The following ZNF253 variants were observed in gnomAD, a reference collection of about 807,000 sequenced individuals.
ZNF253 encodes the protein DNA-binding protein.
A neutral mutation model predicts 11.9 loss-of-function variants in ZNF253; 8 were observed. The observed-to-expected ratio is 0.67, with a 90% confidence interval of 0.40 to 1.22. The LOEUF (loss-of-function observed/expected upper bound fraction) is 1.22, where lower values mean the gene tolerates loss of function less well. Among genes scored for constraint, ZNF253 ranks in the 50% most tolerant of loss-of-function variants. The probability of loss-of-function intolerance (pLI) is 0.01; values close to 1 mark genes in which losing one functional copy is unlikely to be tolerated. For missense variants in ZNF253, 485 were observed against 586.9 expected, an observed-to-expected ratio of 0.83 and a Z score of 1.79; for synonymous variants, 194 against 194.9, an observed-to-expected ratio of 1.00 and a Z score of 0.04.
At chr19:19,882,315 A>C (rs1032826860) in intron 3 of ZNF253, among the ~76,000 whole-genome samples, 2 of 152,170 alleles carry the variant, frequency 1.3e-5, no homozygotes, top group African/African-American at 2.4e-5. Flanking sequence ...TAGAAGGTAA[A>C]GATCTTCTTT....
At chr19:19,886,129 A>T (rs2063205572) in intron 3 of ZNF253, among the ~76,000 whole-genome samples, 2 of 152,104 alleles carry the variant, frequency 1.3e-5, no homozygotes, top group African/African-American at 4.8e-5. Flanking sequence ...AGTAGCTAGG[A>T]TTACAGACAT....
At chr19:19,883,968 A>G (rs1204337579) in intron 3 of ZNF253, among the ~76,000 whole-genome samples, 1 of 151,940 alleles carries the variant, frequency 6.6e-6, no homozygotes, top group Non-Finnish European at 1.5e-5. Flanking sequence ...GAGATAGGAA[A>G]ATCGCTTGAA....
rs769923321 is a variant in ZNF253 at position 19,892,126 on chromosome 19, T to A, written c.879T>A (p.Phe293Leu). The A allele has an allele frequency of 1.6e-4, 257 of 1,613,898 alleles. No individual in the cohort carries two copies. The highest frequency in any genetic ancestry group is 2.1e-4 in the Non-Finnish European group (252 of 1,179,992). The change falls in exon 4 of 4, where the codon TTT (phenylalanine) becomes TTA (leucine). Residue 293 changes from phenylalanine to leucine, a missense_variant. By Grantham distance (22) the Phe-to-Leu change is conservative. Transcript: ENST00000589717. Reference protein sequence around the residue: ...PYKCEECGKAFKHPSHVTTHK... With the variant: ...PYKCEECGKALKHPSHVTTHK... ...AATGTGAAGAATGTGGCAAAGCCTTTAAGCACCCCTCACACGTTACCACAC... is the reference window on the plus strand; with the variant it reads ...AATGTGAAGAATGTGGCAAAGCCTTAAAGCACCCCTCACACGTTACCACAC...
intron 1 of ZNF253, among the ~76,000 whole-genome samples, chr19:19,872,215 T>G (rs557430133): frequency 6.6e-6 from 1 of 152,218 alleles, no homozygotes; most frequent in Admixed American, 6.5e-5. Context: ...ATTGAATAGA[T>G]GTGTAGACAA....
At chr19:19,875,641 C>T (rs565026677) in intron 1 of ZNF253, among the ~76,000 whole-genome samples, 49 of 152,148 alleles carry the variant, frequency 3.2e-4, no homozygotes, top group Admixed American at 6.5e-4. Context: ...GTGATCCGCC[C>T]GCCTCGGCCT....
At chr19:19,888,577 T>G (rs2063215969) in intron 3 of ZNF253, among the ~76,000 whole-genome samples, 1 of 152,186 alleles carries the variant, frequency 6.6e-6, no homozygotes, top group South Asian at 2.1e-4. Context: ...AGTAAAAAAT[T>G]AACTTCAGTT....
At chr19:19,872,585 A>AT (rs59790297) in intron 1 of ZNF253, among the ~76,000 whole-genome samples, 9,685 of 89,982 alleles carry the variant, frequency 0.11, 705 homozygotes, top group East Asian at 0.35. Flanking sequence ...ATATATTATT[A>AT]TATATATATA....
intron 3 of ZNF253, among the ~76,000 whole-genome samples, chr19:19,880,659 C>G (rs993458041): frequency 6.6e-6 from 1 of 150,874 alleles, no homozygotes; most frequent in Non-Finnish European, 1.5e-5. Context: ...GAGCCGAGAT[C>G]ATGCCATCGC....
rs191406547 is a variant in ZNF253 at position 19,880,906 on chromosome 19, T to G, written c.226+760T>G. ...TTATTTTTCTGCACAGTCCATTCTG[T>G]TTTTATTTCTATAAAGTCTTCAAAT... is the stretch of plus-strand genomic sequence containing the variant. On this transcript the variant is annotated intron_variant, in intron 3 of 3. Transcript: ENST00000589717. Among the ~76,000 whole-genome samples, 22 of 152,148 alleles carry G rather than the reference T, an allele frequency of 1.4e-4. No individual in the cohort carries two copies. The East Asian group carries it at 4.1e-3, about 28-fold the overall frequency.
intron 3 of ZNF253, among the ~76,000 whole-genome samples, chr19:19,885,088 AT>A (rs2063193053): frequency 6.6e-6 from 1 of 151,850 alleles, no homozygotes; most frequent in Non-Finnish European, 1.5e-5. Flanking sequence ...CACTCCTGAA[AT>A]TTTTTTCTTT....
intron 1 of ZNF253, among the ~76,000 whole-genome samples, chr19:19,874,698 T>C (rs1317092013): frequency 4.0e-5 from 6 of 151,844 alleles, no homozygotes; most frequent in Non-Finnish European, 8.8e-5. Flanking sequence ...GATCACGAGG[T>C]CAGGAGATCG....
Position 19,892,981 on chromosome 19 carries a change from AT to A in ZNF253, c.*236del. ...CCTATAAACCTATAACAAGTTCTCA[AT>A]TCCTTTTTTTTTGAGATGGAGTTTC... On this transcript the variant is annotated 3_prime_UTR_variant, in exon 4 of 4. Transcript: ENST00000589717. The A allele has an allele frequency of 2.3e-6, 1 of 434,544 alleles. No homozygotes were observed. The highest frequency in any genetic ancestry group is 3.8e-6 in the Non-Finnish European group (1 of 260,932). 26.9% of individuals were successfully genotyped at this position (434,544 alleles called of 1,614,324 possible).
At chr19:19,879,656 A>G (rs2063169252) in intron 2 of ZNF253, among the ~76,000 whole-genome samples, 1 of 152,208 alleles carries the variant, frequency 6.6e-6, no homozygotes, top group South Asian at 2.1e-4. Flanking sequence ...AACGCCCAAT[A>G]AAAAAGAATC....
At chr19:19,875,337 C>T (rs953811124) in intron 1 of ZNF253, among the ~76,000 whole-genome samples, 2 of 151,982 alleles carry the variant, frequency 1.3e-5, no homozygotes, top group African/African-American at 2.4e-5. Flanking sequence ...CCTCAAGTCA[C>T]AAAAAAAGAA....
intron 1 of ZNF253, among the ~76,000 whole-genome samples, chr19:19,866,309 T>C (rs1205608171): frequency 6.6e-6 from 1 of 152,118 alleles, no homozygotes; most frequent in Non-Finnish European, 1.5e-5. Context: ...CTCGGTTCCC[T>C]GCGGGTTCAT....
In ZNF253 at chr19:19,893,044, C is replaced by T. The variant is rs2063240623; in HGVS notation, c.*297C>T. ...CGAGGCTGGAGTGCAATGACATGATCTCCGTTCACTGCAATCTCTGCCTCC... is the reference window on the plus strand; with the variant it reads ...CGAGGCTGGAGTGCAATGACATGATTTCCGTTCACTGCAATCTCTGCCTCC... On this transcript the variant is annotated 3_prime_UTR_variant, in exon 4 of 4. Transcript: ENST00000589717. The T allele has an allele frequency of 3.4e-6, 1 of 296,260 alleles. No homozygotes were observed. Among genetic ancestry groups the T allele is most frequent in the African/African-American group, 2.2e-5 (1 of 45,274 alleles). The allele number at this position is 296,260 out of a possible 1,614,324, so 18.4% of individuals were successfully genotyped here.
At chr19:19,890,768 C>T (rs1381033775) in intron 3 of ZNF253, among the ~76,000 whole-genome samples, 1 of 151,742 alleles carries the variant, frequency 6.6e-6, no homozygotes, top group African/African-American at 2.4e-5. Flanking sequence ...GGTGATCCAC[C>T]TGCCTTGCCT....
chr19:19,882,103 C>A (rs1181620775), intron 3 of ZNF253, among the ~76,000 whole-genome samples: 7 of 151,610 alleles, frequency 4.6e-5, no homozygotes, highest in African/African-American at 1.5e-4. Context: ...ACAGGAGAAT[C>A]GCTTGAATCA....
intron 1 of ZNF253, among the ~76,000 whole-genome samples, chr19:19,870,467 G>A (rs1383649284): frequency 8.6e-5 from 13 of 150,784 alleles, no homozygotes; most frequent in Non-Finnish European, 1.5e-5. Context: ...TATATCTAAT[G>A]TCCAAAGAAA....
Sources: allele counts gnomAD v4.1 joint callset (sites outside exome capture counted in the v4.1 genomes callset), GRCh38; gene constraint gnomAD v4.1.1; transcripts MANE v1.5; gene names NCBI Gene and HGNC (gene_info 2026-07-23, HGNC 2026-07-21).